The following DOK6 variants were observed in gnomAD, a reference collection of about 807,000 sequenced individuals.
DOK6 encodes downstream of tyrosine kinase 6.
A neutral mutation model predicts 44.0 loss-of-function variants in DOK6; 22 were observed. The observed-to-expected ratio is 0.50, with a 90% CI of 0.36 to 0.71. The LOEUF (loss-of-function observed/expected upper bound fraction) is 0.71. DOK6 is among the 30% of genes least tolerant of loss of function. DOK6 has a pLI of 0.00. For missense variants in DOK6, 340 were observed against 416.4 expected (o/e 0.82, Z 1.60); for synonymous variants, 166 against 145.5 (o/e 1.14, Z -1.01).
chr18:69,482,398 G>C (rs1980452680), intron 1 of DOK6, among the ~76,000 whole-genome samples: 1 of 152,062 alleles, frequency 6.6e-6, no homozygotes, highest in Non-Finnish European at 1.5e-5. Flanking sequence ...AAACTAGAGA[G>C]GGGTTCATCC....
intron 7 of DOK6, among the ~76,000 whole-genome samples, chr18:69,833,801 T>A (rs1297702726): frequency 2.0e-5 from 3 of 152,132 alleles, no homozygotes; most frequent in Non-Finnish European, 4.4e-5. Context: ...GATATGTAGA[T>A]ATAAAAGCTC....
intron 1 of DOK6, among the ~76,000 whole-genome samples, chr18:69,530,576 A>G (rs563239984): frequency 6.6e-6 from 1 of 152,174 alleles, no homozygotes; most frequent in East Asian, 1.9e-4. Context: ...GAAAGATGAG[A>G]AGTATCAATG....
intron 3 of DOK6, among the ~76,000 whole-genome samples, chr18:69,635,131 C>T (rs922966040): frequency 6.6e-5 from 10 of 152,204 alleles, no homozygotes; most frequent in Admixed American, 2.0e-4. Context: ...TGCTCCATGG[C>T]TTTCCTGTTG....
intron 1 of DOK6, among the ~76,000 whole-genome samples, chr18:69,508,666 G>C (rs941700829): frequency 6.6e-6 from 1 of 152,178 alleles, no homozygotes. Context: ...ATTAAAATTG[G>C]CGTGATGGGT....
At chr18:69,596,596 A>AG (rs1175385525) in intron 2 of DOK6, among the ~76,000 whole-genome samples, 8 of 119,146 alleles carry the variant, frequency 6.7e-5, no homozygotes, top group Admixed American at 5.8e-4. Flanking sequence ...AAGTGCTTAA[A>AG]GGGGGAAAAA....
chr18:69,401,919 A>G (rs984203100), intron 1 of DOK6, among the ~76,000 whole-genome samples: 1 of 152,166 alleles, frequency 6.6e-6, no homozygotes, highest in African/African-American at 2.4e-5. Flanking sequence ...GCCCGCGGTC[A>G]CTGCTCCGTG....
intron 1 of DOK6, among the ~76,000 whole-genome samples, chr18:69,562,263 T>C (rs1982852179): frequency 6.6e-6 from 1 of 152,142 alleles, no homozygotes; most frequent in South Asian, 2.1e-4. Context: ...TTTGTGTCAG[T>C]GTAATTAGTA....
intron 3 of DOK6, among the ~76,000 whole-genome samples, chr18:69,622,895 C>G (rs1013316472): frequency 8.5e-5 from 13 of 152,178 alleles, no homozygotes; most frequent in African/African-American, 3.1e-4. Context: ...TTTACCAATA[C>G]CATTCCTGAA....
chr18:69,678,314 A>G (rs1488853059), intron 4 of DOK6, among the ~76,000 whole-genome samples: 1 of 152,218 alleles, frequency 6.6e-6, no homozygotes, highest in Non-Finnish European at 1.5e-5. Flanking sequence ...CAATGGTGTA[A>G]CAACTGGAGA....
intron 5 of DOK6, among the ~76,000 whole-genome samples, chr18:69,713,603 TG>T (rs1462282954): frequency 2.0e-5 from 3 of 152,232 alleles, no homozygotes; most frequent in African/African-American, 4.8e-5. Context: ...TTTGTCATTT[TG>T]CACATGACAA....
intron 1 of DOK6, among the ~76,000 whole-genome samples, chr18:69,494,650 T>C (rs751721067): frequency 2.6e-5 from 4 of 152,232 alleles, no homozygotes; most frequent in Admixed American, 6.5e-5. Context: ...TGTTGTCTTA[T>C]CTTCCTGTAC....
chr18:69,647,060 T>TATCTATCTCTCTATCCC (rs1555719739), intron 3 of DOK6, among the ~76,000 whole-genome samples: 1 of 137,446 alleles, frequency 7.3e-6, no homozygotes. Flanking sequence ...CTGTCTATCC[T>TATCTATCTCTCTATCCC]ATCTGTCTAT....
At chr18:69,566,882 A>G (rs1982996703) in intron 2 of DOK6, among the ~76,000 whole-genome samples, 1 of 152,118 alleles carries the variant, frequency 6.6e-6, no homozygotes. Context: ...CATCTCTAGG[A>G]GGCATGTGGA....
chr18:69,671,613 G>T (rs897048203), intron 3 of DOK6, among the ~76,000 whole-genome samples: 16 of 152,150 alleles, frequency 1.1e-4, no homozygotes, highest in Non-Finnish European at 2.4e-4. Context: ...CATTACCTAA[G>T]TTCAGTAGGG....
At chr18:69,722,645 A>C (rs764486272) in intron 5 of DOK6, among the ~76,000 whole-genome samples, 1 of 152,234 alleles carries the variant, frequency 6.6e-6, no homozygotes, top group Non-Finnish European at 1.5e-5. Context: ...GTGGAAACTG[A>C]ATCCAGTATG....
chr18:69,553,880 G>C (rs998633014), intron 1 of DOK6, among the ~76,000 whole-genome samples: 3 of 152,174 alleles, frequency 2.0e-5, no homozygotes, highest in Admixed American at 6.5e-5. Context: ...ATGTCCACCT[G>C]CTCCTTTACA....
At chr18:69,712,617 G>C (rs1236575008) in intron 5 of DOK6, among the ~76,000 whole-genome samples, 1 of 152,176 alleles carries the variant, frequency 6.6e-6, no homozygotes, top group Non-Finnish European at 1.5e-5. Flanking sequence ...GGCTGAGGCA[G>C]GCAGATCACT....
rs1982340153 is a variant in DOK6 at position 69,846,143 on chromosome 18, T to C, written c.*4760T>C. On this transcript the variant is annotated 3_prime_UTR_variant, in exon 8 of 8. Coordinates refer to ENST00000382713, the MANE Select transcript of DOK6 (RefSeq NM_152721.6). The stretch of plus-strand genomic sequence containing the variant: ...GCAATTATGCCAGCAGAGGAGGCAC[T>C]AGACAGTTTATAGACTCTTATGGAA... 6.6e-6 allele frequency: 1 copy of C among 152,216 alleles called. No individual in the cohort carries two copies. Among genetic ancestry groups the C allele is most frequent in the Non-Finnish European group, 1.5e-5 (1 of 68,056 alleles). 9.4% of individuals were successfully genotyped at this position (152,216 alleles called of 1,614,324 possible).
intron 4 of DOK6, among the ~76,000 whole-genome samples, chr18:69,697,189 C>A (rs1408529552): frequency 6.6e-6 from 1 of 152,092 alleles, no homozygotes; most frequent in Non-Finnish European, 1.5e-5. Flanking sequence ...AGAGAAGAAT[C>A]TTTCTATTAT....
Sources: allele counts gnomAD v4.1 joint callset (sites outside exome capture counted in the v4.1 genomes callset), GRCh38; gene constraint gnomAD v4.1.1; transcripts MANE v1.5; gene names NCBI Gene and HGNC (gene_info 2026-07-23, HGNC 2026-07-21).